Variants in MNAT1 observed in about 807,000 individuals in gnomAD.
The protein encoded by MNAT1 is MNAT1 component of CDK activating kinase.
MNAT1 carries 43 observed loss-of-function variants against 42.0 expected under a neutral mutation model. The observed-to-expected ratio is 1.02, with a 90% confidence interval of 0.80 to 1.32. The LOEUF (loss-of-function observed/expected upper bound fraction) is 1.32. Among genes scored for constraint, MNAT1 ranks in the 40% most tolerant of loss-of-function variants. The probability of loss-of-function intolerance (pLI) is 0.00; values close to 1 mark genes in which losing one functional copy is unlikely to be tolerated. For missense variants in MNAT1, 306 were observed against 350.4 expected (o/e 0.87, Z 1.01); for synonymous variants, 118 against 120.0 (o/e 0.98, Z 0.11).
chr14:60,868,715 G>A (rs1009935946), intron 6 of MNAT1, among the ~76,000 whole-genome samples: 1 of 152,068 alleles, frequency 6.6e-6, no homozygotes, highest in Non-Finnish European at 1.5e-5. Flanking sequence ...TAAGCACAAT[G>A]TTTTGTTATT....
At chr14:60,929,594 C>A (rs941766020) in intron 7 of MNAT1, among the ~76,000 whole-genome samples, 1 of 151,968 alleles carries the variant, frequency 6.6e-6, no homozygotes, top group African/African-American at 2.4e-5. Context: ...GCCTATTATC[C>A]CCAGTAATTC....
intron 1 of MNAT1, among the ~76,000 whole-genome samples, chr14:60,791,142 T>C (rs568572008): frequency 6.6e-6 from 1 of 152,322 alleles, no homozygotes; most frequent in South Asian, 2.1e-4. Flanking sequence ...TGGCTCAGAA[T>C]GGACTTAAAT....
intron 6 of MNAT1, among the ~76,000 whole-genome samples, chr14:60,857,530 A>G (rs1409396335): frequency 1.3e-5 from 2 of 152,198 alleles, no homozygotes; most frequent in African/African-American, 4.8e-5. Context: ...AATTACAACA[A>G]AGGGTTTAGA....
chr14:60,914,689 A>G (rs932620012), intron 7 of MNAT1, among the ~76,000 whole-genome samples: 1 of 152,222 alleles, frequency 6.6e-6, no homozygotes. Context: ...AGTCATAAAA[A>G]ATTCTACATC....
At chr14:60,900,048 ATCTCTCTCTCTC>A (rs61149455) in intron 7 of MNAT1, among the ~76,000 whole-genome samples, 5,468 of 136,406 alleles carry the variant, frequency 0.04, 152 homozygotes, top group Non-Finnish European at 0.059. Flanking sequence ...CTGTTTCCCC[ATCTCTCTCTCTC>A]TCTCTCTCTC....
chr14:60,916,486 C>A (rs1192016682), intron 7 of MNAT1, among the ~76,000 whole-genome samples: 1 of 152,108 alleles, frequency 6.6e-6, no homozygotes, highest in African/African-American at 2.4e-5. Flanking sequence ...AAGATCTCGT[C>A]TTTACAAAAA....
intron 4 of MNAT1, chr14:60,808,733 C>T (rs2032455328): frequency 6.1e-6 from 1 of 164,262 alleles, no homozygotes; most frequent in African/African-American, 2.4e-5. Flanking sequence ...AGCATTTGGA[C>T]AGTGGTCACA....
chr14:60,959,565 G>A (rs2036550606), intron 7 of MNAT1, among the ~76,000 whole-genome samples: 1 of 152,130 alleles, frequency 6.6e-6, no homozygotes, highest in Admixed American at 6.5e-5. Flanking sequence ...ATGCTGATCA[G>A]TGCTAGCCTT....
At chr14:60,833,686 T>C (rs985972802) in intron 6 of MNAT1, among the ~76,000 whole-genome samples, 3 of 152,168 alleles carry the variant, frequency 2.0e-5, no homozygotes, top group Non-Finnish European at 4.4e-5. Context: ...GATACTGGCC[T>C]CATAAAATGG....
At chr14:60,902,622 A>G (rs570033429) in intron 7 of MNAT1, among the ~76,000 whole-genome samples, 1 of 152,264 alleles carries the variant, frequency 6.6e-6, no homozygotes, top group South Asian at 2.1e-4. Flanking sequence ...AGATACATCC[A>G]TCCCCCTATA....
intron 7 of MNAT1, among the ~76,000 whole-genome samples, chr14:60,880,936 G>A (rs4151300): frequency 0.29 from 43,639 of 151,914 alleles, 7,201 homozygotes; most frequent in Admixed American, 0.42. Context: ...ACAATATTGC[G>A]TTTTATAATG....
chr14:60,771,316 T>A (rs893219701), intron 1 of MNAT1, among the ~76,000 whole-genome samples: 1 of 152,180 alleles, frequency 6.6e-6, no homozygotes, highest in African/African-American at 2.4e-5. Flanking sequence ...CCCCTTTTCA[T>A]GCTTTTTGGT....
At chr14:60,921,722 CTGACG>C (rs943145960) in intron 7 of MNAT1, among the ~76,000 whole-genome samples, 1 of 152,102 alleles carries the variant, frequency 6.6e-6, no homozygotes, top group African/African-American at 2.4e-5. Context: ...AGTCATTATT[CTGACG>C]TGAAGGTAAT....
chr14:60,790,380 A>G (rs1350012689), intron 1 of MNAT1, among the ~76,000 whole-genome samples: 3 of 151,990 alleles, frequency 2.0e-5, no homozygotes, highest in Non-Finnish European at 4.4e-5. Context: ...CCTCTGCCCT[A>G]TTGTTTATGT....
chr14:60,805,011 A>G (rs950322768), intron 3 of MNAT1, among the ~76,000 whole-genome samples: 1 of 152,186 alleles, frequency 6.6e-6, no homozygotes, highest in Non-Finnish European at 1.5e-5. Context: ...TTTTCAGTAG[A>G]TTCATACCAT....
chr14:60,820,950 T>C (rs8015531), intron 6 of MNAT1, among the ~76,000 whole-genome samples: 9 of 152,202 alleles, frequency 5.9e-5, no homozygotes, highest in African/African-American at 1.9e-4. Flanking sequence ...GAGTTAGCCA[T>C]GCAAAAATAC....
intron 1 of MNAT1, among the ~76,000 whole-genome samples, chr14:60,774,183 G>A (rs982660814): frequency 2.0e-5 from 3 of 152,192 alleles, no homozygotes; most frequent in Non-Finnish European, 1.5e-5. Context: ...GGAAGACTTA[G>A]GAGTAGGGAT....
chr14:60,890,873 G>A (rs2034828801), intron 7 of MNAT1, among the ~76,000 whole-genome samples: 1 of 152,074 alleles, frequency 6.6e-6, no homozygotes, highest in Admixed American at 6.6e-5. Context: ...GTCTCCTTTG[G>A]CAACACCCTC....
At chr14:60,878,192 GATAAAT>G (rs2034473608) in intron 6 of MNAT1, among the ~76,000 whole-genome samples, 1 of 151,972 alleles carries the variant, frequency 6.6e-6, no homozygotes, top group Non-Finnish European at 1.5e-5. Context: ...GGAATTAAAA[GATAAAT>G]ATAAAAAATA....
Sources: allele counts gnomAD v4.1 joint callset (sites outside exome capture counted in the v4.1 genomes callset), GRCh38; gene constraint gnomAD v4.1.1; transcripts MANE v1.5; gene names NCBI Gene and HGNC (gene_info 2026-07-23, HGNC 2026-07-21).